CFAP299: variants seen among roughly 807,000 people sequenced by gnomAD.
CFAP299 encodes the protein cilia and flagella associated protein 299.
Under a neutral mutation model 27.0 loss-of-function variants are expected in CFAP299, and 21 were observed. That is an observed-to-expected ratio of 0.78 (90% CI 0.55 to 1.12). The LOEUF (loss-of-function observed/expected upper bound fraction) is 1.12. Ranked by LOEUF, CFAP299 falls within the 50% of genes most tolerant of loss-of-function variation. The probability of loss-of-function intolerance (pLI) is 0.00; values close to 1 mark genes in which losing one functional copy is unlikely to be tolerated. For synonymous variants in CFAP299, 104 were observed against 98.1 expected (o/e 1.06, Z -0.36); for missense variants, 310 against 276.6 (o/e 1.12, Z -0.86).
chr4:80,674,052 G>T (rs1016311484), intron 3 of CFAP299, among the ~76,000 whole-genome samples: 1 of 152,118 alleles, frequency 6.6e-6, no homozygotes, highest in Non-Finnish European at 1.5e-5. Flanking sequence ...GTGTGAATTT[G>T]ATCCTGTCAT....
At chr4:80,791,520 T>C (rs1347359697) in intron 3 of CFAP299, among the ~76,000 whole-genome samples, 1 of 152,054 alleles carries the variant, frequency 6.6e-6, no homozygotes, top group Non-Finnish European at 1.5e-5. Context: ...ATACAGCACA[T>C]TTTAAGAAAT....
chr4:80,849,267 T>C (rs570604492), intron 3 of CFAP299, among the ~76,000 whole-genome samples: 69 of 152,252 alleles, frequency 4.5e-4, no homozygotes, highest in Admixed American at 3.2e-3. Context: ...AAGATGTCAC[T>C]AGGCGATATG....
intron 3 of CFAP299, among the ~76,000 whole-genome samples, chr4:80,732,464 C>G (rs911195460): frequency 7.2e-5 from 11 of 152,216 alleles, no homozygotes; most frequent in African/African-American, 2.4e-4. Flanking sequence ...GAGTTTCCAT[C>G]TACTTAGAAA....
In CFAP299 at chr4:80,805,828, C is replaced by T. The variant is rs142165163; in HGVS notation, c.334-64165C>T. On this transcript the variant is annotated intron_variant, in intron 3 of 5. Transcript: ENST00000358105. The stretch of plus-strand genomic sequence containing the variant: ...AGTTGAGGCTGCGGTGAGCCAACAT[C>T]GTGCCACTGCACTCCAGCCTGGCTG... 4.1e-3 allele frequency among the ~76,000 whole-genome samples: 624 copies of T among 152,220 alleles called. 3 individuals are homozygous for T. Among genetic ancestry groups the T allele is most frequent in the Middle Eastern group, 6.8e-3 (2 of 292 alleles).
intron 5 of CFAP299, among the ~76,000 whole-genome samples, chr4:80,946,805 A>G (rs1232823363): frequency 3.3e-5 from 5 of 152,212 alleles, no homozygotes; most frequent in African/African-American, 9.6e-5. Context: ...ATGGGTGTCA[A>G]AATGAGATCA....
intron 1 of CFAP299, among the ~76,000 whole-genome samples, chr4:80,352,227 T>A (rs1723050833): frequency 6.6e-6 from 1 of 152,124 alleles, no homozygotes; most frequent in African/African-American, 2.4e-5. Flanking sequence ...TTTCAGTAAT[T>A]GATAGAACCA....
At chr4:80,843,069 T>A (rs1304922021) in intron 3 of CFAP299, among the ~76,000 whole-genome samples, 1 of 150,756 alleles carries the variant, frequency 6.6e-6, no homozygotes, top group African/African-American at 2.4e-5. Flanking sequence ...CTTCTTTTTT[T>A]ATATATATAT....
At chr4:80,948,570 C>T (rs937708467) in intron 5 of CFAP299, among the ~76,000 whole-genome samples, 2 of 151,658 alleles carry the variant, frequency 1.3e-5, no homozygotes, top group African/African-American at 4.8e-5. Context: ...AAACACTAAC[C>T]ATGGGATAGT....
At chr4:80,629,082 G>T (rs1739069382) in intron 3 of CFAP299, among the ~76,000 whole-genome samples, 1 of 152,040 alleles carries the variant, frequency 6.6e-6, no homozygotes, top group Non-Finnish European at 1.5e-5. Context: ...TTCCATTACT[G>T]AATGAGTGGA....
At chr4:80,403,528 T>C (rs1176536129) in intron 2 of CFAP299, among the ~76,000 whole-genome samples, 1 of 152,184 alleles carries the variant, frequency 6.6e-6, no homozygotes, top group Non-Finnish European at 1.5e-5. Flanking sequence ...GCATTTGCTA[T>C]TCTTTCTGCT....
intron 2 of CFAP299, among the ~76,000 whole-genome samples, chr4:80,464,786 G>A (rs757425488): frequency 7.3e-4 from 111 of 151,978 alleles, no homozygotes; most frequent in Non-Finnish European, 1.1e-3. Context: ...TTGACATCTA[G>A]TGAGCTTTAT....
intron 4 of CFAP299, among the ~76,000 whole-genome samples, chr4:80,916,807 G>A (rs1735788423): frequency 6.6e-6 from 1 of 151,950 alleles, no homozygotes; most frequent in South Asian, 2.1e-4. Flanking sequence ...TGATTTAAGA[G>A]TAAAAATAGA....
chr4:80,910,195 G>A (rs1735397246), intron 4 of CFAP299, among the ~76,000 whole-genome samples: 1 of 152,086 alleles, frequency 6.6e-6, no homozygotes. Flanking sequence ...AGCTGGTGAA[G>A]TTGCAGAGAA....
intron 3 of CFAP299, among the ~76,000 whole-genome samples, chr4:80,740,615 G>T (rs765610086): frequency 1.2e-4 from 19 of 152,184 alleles, no homozygotes; most frequent in Non-Finnish European, 8.8e-5. Context: ...GCACTTCAGG[G>T]TAGTGAGTTC....
chr4:80,718,556 G>C (rs1373751733), intron 3 of CFAP299, among the ~76,000 whole-genome samples: 2 of 151,790 alleles, frequency 1.3e-5, no homozygotes, highest in Non-Finnish European at 2.9e-5. Context: ...TGTAAGTGAA[G>C]ACAAATATAA....
At chr4:80,428,491 C>G (rs1452452885) in intron 2 of CFAP299, among the ~76,000 whole-genome samples, 1 of 152,010 alleles carries the variant, frequency 6.6e-6, no homozygotes, top group Non-Finnish European at 1.5e-5. Flanking sequence ...AATGAACTAA[C>G]TATGTTAAAA....
rs768494241 is a variant in CFAP299, at chr4:80,656,553, A to G, written c.333+73370A>G. Among the ~76,000 whole-genome samples the G allele has an allele frequency of 4.2e-4, 64 of 152,066 alleles. 2 individuals are homozygous for G. The highest frequency in any genetic ancestry group is 2.6e-4 in the Admixed American group (4 of 15,248). On this transcript the variant is annotated intron_variant, in intron 3 of 5. Coordinates refer to ENST00000358105, the MANE Select transcript of CFAP299 (RefSeq NM_152770.3). ...ATCCATGTCACTGCAAAGGACATGA[A>G]CTCATCCTTTTTTATGGCTGCATAG... is the stretch of plus-strand genomic sequence containing the variant.
intron 3 of CFAP299, among the ~76,000 whole-genome samples, chr4:80,751,109 T>C (rs1428019522): frequency 6.6e-6 from 1 of 152,098 alleles, no homozygotes; most frequent in East Asian, 1.9e-4. Context: ...ACTTTTTGAG[T>C]TTCCAGCATT....
chr4:80,406,602 G>T (rs551593305), intron 2 of CFAP299, among the ~76,000 whole-genome samples: 1 of 152,202 alleles, frequency 6.6e-6, no homozygotes, highest in South Asian at 2.1e-4. Context: ...CTGGACTCAA[G>T]AGATTCTCCC....
Sources: gnomAD v4.1 joint callset for allele counts (sites outside exome capture counted in the v4.1 genomes callset) on GRCh38, gnomAD v4.1.1 for gene constraint, MANE v1.5 for transcripts, NCBI Gene and HGNC (gene_info 2026-07-23, HGNC 2026-07-21) for gene names.